The following STXBP6 variants were observed in gnomAD, a reference collection of about 807,000 sequenced individuals.
STXBP6 encodes the protein syntaxin-binding protein 6.
In STXBP6, 21 loss-of-function variants were observed where a neutral mutation model predicts 26.9. The ratio of observed to expected loss-of-function variants is 0.78; its 90% CI spans 0.55 to 1.12. The LOEUF (loss-of-function observed/expected upper bound fraction) is 1.12, where lower values mean the gene tolerates loss of function less well. Among genes scored for constraint, STXBP6 ranks in the 50% most tolerant of loss-of-function variants. The pLI, the probability that STXBP6 is intolerant of heterozygous loss-of-function variation, is 0.00. For missense variants in STXBP6, 232 were observed against 257.9 expected, an observed-to-expected ratio of 0.90 and a Z score of 0.69; for synonymous variants, 97 against 92.6, an observed-to-expected ratio of 1.05 and a Z score of -0.27.
intron 1 of STXBP6, among the ~76,000 whole-genome samples, chr14:24,976,174 C>T (rs1284238833): frequency 6.6e-6 from 1 of 152,180 alleles, no homozygotes; most frequent in Non-Finnish European, 1.5e-5. Context: ...CTAACTACAT[C>T]AGAGGTTTCA....
chr14:25,021,124 T>A (rs2075255132), intron 1 of STXBP6, among the ~76,000 whole-genome samples: 1 of 152,166 alleles, frequency 6.6e-6, no homozygotes. Flanking sequence ...CAAATAGTCA[T>A]TCTCAGGTGG....
chr14:24,955,928 G>A (rs145200018), intron 2 of STXBP6, among the ~76,000 whole-genome samples: 3 of 152,274 alleles, frequency 2.0e-5, no homozygotes, highest in Admixed American at 6.5e-5. Context: ...AAACCAAGGC[G>A]GCACAGAGAG....
At chr14:24,873,992 C>T (rs1469682851) in intron 2 of STXBP6, among the ~76,000 whole-genome samples, 1 of 152,146 alleles carries the variant, frequency 6.6e-6, no homozygotes, top group East Asian at 1.9e-4. Context: ...CCTTCGTTGT[C>T]AATTCTGCTG....
intron 2 of STXBP6, among the ~76,000 whole-genome samples, chr14:24,869,890 C>T (rs1045070233): frequency 6.6e-6 from 1 of 152,128 alleles, no homozygotes; most frequent in Non-Finnish European, 1.5e-5. Flanking sequence ...AAACTTTGTT[C>T]CATGGGGTTC....
Position 24,972,102 on chromosome 14 carries a change from T to C in STXBP6, c.154+2563A>G, listed in dbSNP as rs539639434. ...TGGGTGTCAAAGTTGCCTGCCCTTC[T>C]CCTGCCCCCATTTCCACTACACTGT... On this transcript the variant is annotated intron_variant, in intron 2 of 5. Coordinates refer to ENST00000323944, the MANE Select transcript of STXBP6 (RefSeq NM_001394410.1). Among the ~76,000 whole-genome samples, 6 of 152,322 alleles carry C rather than the reference T, an allele frequency of 3.9e-5. No individual in the cohort carries two copies. In the South Asian group the frequency reaches 1.2e-3, roughly 32 times the overall value.
At chr14:24,846,622 T>A (rs943251390) in intron 4 of STXBP6, among the ~76,000 whole-genome samples, 1 of 152,224 alleles carries the variant, frequency 6.6e-6, no homozygotes, top group Non-Finnish European at 1.5e-5. Flanking sequence ...TTTTTTAGTA[T>A]AAATATGCTG....
chr14:24,980,647 A>G (rs1244347721), intron 1 of STXBP6, among the ~76,000 whole-genome samples: 1 of 152,230 alleles, frequency 6.6e-6, no homozygotes, highest in Non-Finnish European at 1.5e-5. Flanking sequence ...TGGGCTTGCC[A>G]TGGTGAGAAA....
At chr14:24,897,429 G>A (rs141803516) in intron 2 of STXBP6, among the ~76,000 whole-genome samples, 477 of 125,292 alleles carry the variant, frequency 3.8e-3, no homozygotes, top group Non-Finnish European at 5.8e-3. Context: ...AAAAAAAAAG[G>A]AAAAAAAAAA....
intron 2 of STXBP6, among the ~76,000 whole-genome samples, chr14:24,911,373 A>G (rs1236282883): frequency 6.6e-6 from 1 of 150,696 alleles, no homozygotes; most frequent in African/African-American, 2.5e-5. Context: ...AGGGAAAGAA[A>G]GAAGAGAGAG....
At chr14:25,007,769 AT>A (rs2074936483) in intron 1 of STXBP6, among the ~76,000 whole-genome samples, 1 of 152,220 alleles carries the variant, frequency 6.6e-6, no homozygotes, top group Non-Finnish European at 1.5e-5. Context: ...AGAAGAAATT[AT>A]TCCTGCAAAG....
At position 24,856,096 on chromosome 14, in the gene STXBP6, C is replaced by T. The variant is rs764537835; in HGVS notation, c.291G>A (p.Ser97=). Residue 97 remains serine (S), a synonymous_variant, in exon 4 of 6, where the codon TCG becomes TCA. Coordinates refer to ENST00000323944, the MANE Select transcript of STXBP6 (RefSeq NM_001394410.1). Reference sequence around the variant, plus strand: ...TTTCAAACAACAAATCAAACTCTGCCGAATCCTGGAAAAGACAATGAAATA... The same window carrying T: ...TTTCAAACAACAAATCAAACTCTGCTGAATCCTGGAAAAGACAATGAAATA... ...QVNGIDPNGD[S]AEFDLLFENA... 47 of 1,593,008 alleles carry T rather than the reference C, an allele frequency of 3.0e-5. No individual in the cohort carries two copies. In the Middle Eastern group the frequency reaches 5.0e-4, roughly 17 times the overall value.
intron 1 of STXBP6, among the ~76,000 whole-genome samples, chr14:25,030,597 A>G (rs2075435513): frequency 6.6e-6 from 1 of 152,198 alleles, no homozygotes. Context: ...GATTTTAAAC[A>G]GACAGATTTT....
intron 1 of STXBP6, among the ~76,000 whole-genome samples, chr14:25,047,424 T>C (rs1317118722): frequency 4.6e-5 from 7 of 152,208 alleles, no homozygotes. Flanking sequence ...AAAGAAACCT[T>C]GTCTCTGTAT....
At chr14:25,034,113 T>C (rs1443758931) in intron 1 of STXBP6, among the ~76,000 whole-genome samples, 1 of 152,198 alleles carries the variant, frequency 6.6e-6, no homozygotes. Context: ...GGGTGCTGCA[T>C]AGAAGCTTGG....
At chr14:24,960,659 T>G (rs1203848596) in intron 2 of STXBP6, among the ~76,000 whole-genome samples, 1 of 152,176 alleles carries the variant, frequency 6.6e-6, no homozygotes, top group Admixed American at 6.5e-5. Context: ...TAGGAAGAAC[T>G]GACAGAAGTG....
chr14:25,018,831 AC>A (rs1440928734), intron 1 of STXBP6, among the ~76,000 whole-genome samples: 1 of 152,196 alleles, frequency 6.6e-6, no homozygotes, highest in Non-Finnish European at 1.5e-5. Context: ...CTGATCAACC[AC>A]CCAGGCCCAA....
chr14:24,899,593 C>T (rs2071126317), intron 2 of STXBP6, among the ~76,000 whole-genome samples: 1 of 151,658 alleles, frequency 6.6e-6, no homozygotes, highest in Non-Finnish European at 1.5e-5. Context: ...CCAGCCTGGC[C>T]AACATGACGA....
At chr14:24,944,163 T>C (rs577280182) in intron 2 of STXBP6, among the ~76,000 whole-genome samples, 1 of 152,208 alleles carries the variant, frequency 6.6e-6, no homozygotes, top group East Asian at 1.9e-4. Flanking sequence ...AGGTTGACAA[T>C]TCATTTTATC....
chr14:25,024,929 T>C (rs1239343758), intron 1 of STXBP6, among the ~76,000 whole-genome samples: 1 of 152,160 alleles, frequency 6.6e-6, no homozygotes, highest in Non-Finnish European at 1.5e-5. Flanking sequence ...TTAATGATTT[T>C]TTTTGTTGTT....
Sources: allele counts gnomAD v4.1 joint callset (sites outside exome capture counted in the v4.1 genomes callset), GRCh38; gene constraint gnomAD v4.1.1; transcripts MANE v1.5; gene names NCBI Gene and HGNC (gene_info 2026-07-23, HGNC 2026-07-21).